MKLN1: variants seen among roughly 807,000 people sequenced by gnomAD.
The protein encoded by MKLN1 is muskelin.
In MKLN1, 18 loss-of-function variants were observed where a neutral mutation model predicts 99.0. That is an observed-to-expected ratio of 0.18 (90% CI 0.13 to 0.27). The LOEUF (loss-of-function observed/expected upper bound fraction) is 0.27, where lower values mean the gene tolerates loss of function less well. MKLN1 is among the 10% of genes least tolerant of loss of function. The pLI, the probability that MKLN1 is intolerant of heterozygous loss-of-function variation, is 1.00. For missense variants in MKLN1, 621 were observed against 875.9 expected, an observed-to-expected ratio of 0.71 and a Z score of 3.67; for synonymous variants, 288 against 293.2, an observed-to-expected ratio of 0.98 and a Z score of 0.18.
intron 3 of MKLN1, among the ~76,000 whole-genome samples, chr7:131,224,817 T>C (rs971718301): frequency 4.9e-4 from 74 of 152,116 alleles, no homozygotes; most frequent in African/African-American, 1.8e-3. Flanking sequence ...CTCATGCCTG[T>C]AATCCCAGCA....
chr7:131,229,392 A>G (rs1261604929), intron 3 of MKLN1, among the ~76,000 whole-genome samples: 1 of 151,852 alleles, frequency 6.6e-6, no homozygotes, highest in Non-Finnish European at 1.5e-5. Context: ...GAGTTAAGCT[A>G]TTATCTAAAG....
chr7:131,124,100 A>G (rs1795418582), intron 1 of MKLN1, among the ~76,000 whole-genome samples: 1 of 152,228 alleles, frequency 6.6e-6, no homozygotes, highest in Non-Finnish European at 1.5e-5. Context: ...AATGAGGATA[A>G]TAACACCTAC....
chr7:131,379,604 G>C (rs920049417), intron 2 of MKLN1, among the ~76,000 whole-genome samples: 1 of 152,122 alleles, frequency 6.6e-6, no homozygotes, highest in African/African-American at 2.4e-5. Context: ...TTGAAAATAA[G>C]GTAGTAAAGA....
rs562403633 is a variant in MKLN1 at position 131,394,721 on chromosome 7, G to A, written c.401-2546G>A. On this transcript the variant is annotated intron_variant, in intron 4 of 17. Coordinates refer to ENST00000352689, the MANE Select transcript of MKLN1 (RefSeq NM_013255.5). The stretch of plus-strand genomic sequence containing the variant: ...TCAGTCGGATATTGGAAATCATTAC[G>A]CCTGGTATCAGCTATTCTGGATATT... Among the ~76,000 whole-genome samples the A allele has an allele frequency of 3.9e-5, 6 of 152,084 alleles. 1 individual carries two copies. Among genetic ancestry groups the A allele is most frequent in the Admixed American group, 6.5e-5 (1 of 15,298 alleles).
intron 3 of MKLN1, among the ~76,000 whole-genome samples, chr7:131,251,099 G>A (rs1038171565): frequency 1.0e-4 from 12 of 120,236 alleles, no homozygotes; most frequent in African/African-American, 3.3e-4. Context: ...CCAGATGTGT[G>A]TGTGTGTGTG....
intron 3 of MKLN1, among the ~76,000 whole-genome samples, chr7:131,251,805 G>T (rs1247560029): frequency 6.6e-6 from 1 of 152,116 alleles, no homozygotes; most frequent in African/African-American, 2.4e-5. Context: ...AAGTAGCCGG[G>T]ACTACAGGCA....
At chr7:131,464,265 T>C (rs1471698616) in intron 13 of MKLN1, 29 bp from the exon 14 acceptor site, 2 of 1,378,484 alleles carry the variant, frequency 1.5e-6, no homozygotes, top group East Asian at 2.3e-5. Context: ...GCTAATTCTC[T>C]AGAATGCCTT....
rs80296009 is a variant in MKLN1, at chr7:131,350,032, C to T, written c.98+22035C>T. Among the ~76,000 whole-genome samples, 280 of 152,098 alleles carry T rather than the reference C, an allele frequency of 1.8e-3. 3 individuals carry two copies. The East Asian group carries it at 0.02, about 11-fold the overall frequency. On this transcript the variant is annotated intron_variant, in intron 1 of 17. Coordinates refer to ENST00000352689, the MANE Select transcript of MKLN1 (RefSeq NM_013255.5). ...TTTTGCTTTGAGTGATGGTAACTAA[C>T]GATACTACAATGGTCTGCTATTTGC... is the stretch of plus-strand genomic sequence containing the variant.
At chr7:131,135,424 T>C (rs1266194922) in intron 1 of MKLN1, among the ~76,000 whole-genome samples, 3 of 152,230 alleles carry the variant, frequency 2.0e-5, no homozygotes, top group African/African-American at 7.2e-5. Context: ...CTGGCCTCTC[T>C]TCCACTTCCG....
chr7:131,370,416 C>A (rs1418293379), intron 1 of MKLN1, among the ~76,000 whole-genome samples: 1 of 133,338 alleles, frequency 7.5e-6, no homozygotes, highest in Non-Finnish European at 1.6e-5. Flanking sequence ...TTAATTCTTA[C>A]TTTTAAAAAG....
In MKLN1 at chr7:131,120,673, T is replaced by C. The variant is rs561797086; in HGVS notation, c.-419+10466T>C. Among the ~76,000 whole-genome samples the C allele has an allele frequency of 8.9e-4, 135 of 152,268 alleles. 1 individual carries two copies. Among genetic ancestry groups the C allele is most frequent in the African/African-American group, 3.2e-3 (132 of 41,560 alleles). ...GGCATAATGCCACCAATCTCTTTCCTAAAGCATAGCAAGAGTGACCTTCAC... is the reference window on the plus strand; with the variant it reads ...GGCATAATGCCACCAATCTCTTTCCCAAAGCATAGCAAGAGTGACCTTCAC... On this transcript the variant is annotated intron_variant, in intron 1 of 7. Coordinates refer to the MKLN1 transcript ENST00000416992.
chr7:131,381,611 T>C (rs1222765630), intron 2 of MKLN1, among the ~76,000 whole-genome samples: 1 of 152,200 alleles, frequency 6.6e-6, no homozygotes, highest in Non-Finnish European at 1.5e-5. Context: ...TCCATCATCC[T>C]GACCTCATCA....
intron 2 of MKLN1, among the ~76,000 whole-genome samples, chr7:131,166,365 T>A (rs564959739): frequency 3.7e-4 from 56 of 152,292 alleles, no homozygotes; most frequent in African/African-American, 1.2e-3. Flanking sequence ...CGTAATCATA[T>A]AAAACACAGG....
intron 3 of MKLN1, among the ~76,000 whole-genome samples, chr7:131,213,703 C>G (rs1297610654): frequency 1.3e-5 from 2 of 152,186 alleles, no homozygotes; most frequent in African/African-American, 4.8e-5. Context: ...TATACAGTAC[C>G]ATTTTGCTTT....
chr7:131,468,770 C>T (rs1796728242), intron 15 of MKLN1, among the ~76,000 whole-genome samples: 1 of 152,114 alleles, frequency 6.6e-6, no homozygotes, highest in Admixed American at 6.5e-5. Flanking sequence ...TAAGTTCTTG[C>T]TGGCCAAAAA....
At chr7:131,401,000 T>C (rs1794528007) in intron 6 of MKLN1, among the ~76,000 whole-genome samples, 1 of 152,128 alleles carries the variant, frequency 6.6e-6, no homozygotes, top group Non-Finnish European at 1.5e-5. Flanking sequence ...ATCTCATTGA[T>C]GATGATTTGT....
intron 1 of MKLN1, among the ~76,000 whole-genome samples, chr7:131,369,196 A>C (rs1045474643): frequency 6.6e-6 from 1 of 152,200 alleles, no homozygotes; most frequent in African/African-American, 2.4e-5. Context: ...GCGGCATCAA[A>C]CATCTCTATC....
Position 131,444,763 on chromosome 7 carries a change from A to AAGT in MKLN1, c.1396-954_1396-952dup, listed in dbSNP as rs60459266. ...GTAGTAGTAGTAGTAGTAGTAGAAGAAGTAGTAGTAGTAGTAGTAGTAGTA... is the reference window on the plus strand; with the variant it reads ...GTAGTAGTAGTAGTAGTAGTAGAAGAAGTAGTAGTAGTAGTAGTAGTAGTAGTA... On this transcript the variant is annotated intron_variant, in intron 11 of 17. Transcript: ENST00000352689. Among the ~76,000 whole-genome samples, 430 of 117,908 alleles carry AAGT rather than the reference A, an allele frequency of 3.6e-3. 5 individuals are homozygous for AAGT. The highest frequency in any genetic ancestry group is 8.9e-3 in the Admixed American group (97 of 10,942). 77.4% of individuals were successfully genotyped at this position (117,908 alleles called of 152,430 possible).
intron 1 of MKLN1, among the ~76,000 whole-genome samples, chr7:131,139,242 G>C (rs1261300484): frequency 1.3e-5 from 2 of 152,156 alleles, no homozygotes; most frequent in Admixed American, 1.3e-4. Flanking sequence ...CAGGGTAACA[G>C]AGAGCCGGTG....
Sources: allele counts gnomAD v4.1 joint callset (sites outside exome capture counted in the v4.1 genomes callset), GRCh38; gene constraint gnomAD v4.1.1; transcripts MANE v1.5; gene names NCBI Gene and HGNC (gene_info 2026-07-23, HGNC 2026-07-21).